Variants in OTUD5 observed in about 807,000 individuals in gnomAD.
OTUD5 encodes the protein OTU deubiquitinase 5, also known as OTU domain-containing protein 5.
A neutral mutation model predicts 36.3 loss-of-function variants in OTUD5; 2 were observed. The observed-to-expected ratio is 0.06, with a 90% confidence interval of 0.02 to 0.17. The LOEUF (loss-of-function observed/expected upper bound fraction) is 0.17. OTUD5 is among the 10% of genes least tolerant of loss of function. OTUD5 has a pLI of 1.00. For missense variants in OTUD5, 233 were observed against 512.3 expected (o/e 0.45, Z 5.26); for synonymous variants, 234 against 214.9 (o/e 1.09, Z -0.78).
chrX:48,925,139 G>A (rs1449103265), intron 6 of OTUD5, among the ~76,000 whole-genome samples: 8 of 109,826 alleles, frequency 7.3e-5, no homozygotes, highest in Admixed American at 6.8e-4. Context: ...TTAGCCAGGC[G>A]TGGTGGTGGG....
chrX:48,932,209 A>G (rs2063766377), intron 5 of OTUD5, among the ~76,000 whole-genome samples: 1 of 108,856 alleles, frequency 9.2e-6, no homozygotes, highest in Admixed American at 9.9e-5. Flanking sequence ...TAATAGCAGA[A>G]CTGTGTTTGG....
At chrX:48,932,961 G>C (rs1302916033) in intron 5 of OTUD5, among the ~76,000 whole-genome samples, 1 of 110,167 alleles carries the variant, frequency 9.1e-6, no homozygotes, top group Non-Finnish European at 1.9e-5. Context: ...ACTCCAGCCT[G>C]GGTGAGAGAG....
chrX:48,924,903 G>C (rs781975939), intron 6 of OTUD5, among the ~76,000 whole-genome samples: 54 of 111,679 alleles, frequency 4.8e-4, no homozygotes, highest in South Asian at 1.8e-3. Flanking sequence ...GGGGATCTTG[G>C]TCTGCTGGGC....
At position 48,941,432 on chromosome X, in the gene OTUD5, CAAAAAAAAAAAAAAAAAAAAA is replaced by C. The variant is rs200040194; in HGVS notation, c.688+2737_688+2757del. Among the ~76,000 whole-genome samples, 19 of 31,940 alleles carry C rather than the reference CAAAAAAAAAAAAAAAAAAAAA, an allele frequency of 5.9e-4. No homozygotes were observed. The South Asian group carries it at 0.015, about 25-fold the overall frequency. 27.7% of individuals were successfully genotyped at this position (31,940 alleles called of 115,157 possible). A position where few individuals can be genotyped will look rare whatever the true frequency, so the allele number is the denominator to read the frequency against. On this transcript the variant is annotated intron_variant, in intron 2 of 8. Transcript: ENST00000376488. ...TGGGCGACAGAGGGAGACTCCATCT[CAAAAAAAAAAAAAAAAAAAAA>C]AAAAAAAAAAAAAAAAAGAATGCGT...
At chrX:48,956,869 A>C in intron 1 of OTUD5, 108 bp downstream of exon 1, 9 of 852,247 alleles carry the variant, frequency 1.1e-5, no homozygotes, top group Non-Finnish European at 1.4e-5. Flanking sequence ...GGCCCAGTGA[A>C]AACGCCTAGA....
intron 1 of OTUD5, among the ~76,000 whole-genome samples, chrX:48,951,486 G>A (rs953800589): frequency 1.8e-5 from 2 of 111,889 alleles, no homozygotes; most frequent in African/African-American, 6.5e-5. Context: ...GAGGTGGCAG[G>A]CACCTGTAGT....
chrX:48,957,944 C>T (rs1332264417), upstream of OTUD5: 3 of 484,505 alleles, frequency 6.2e-6, no homozygotes, highest in Non-Finnish European at 7.6e-6. Flanking sequence ...GGTTCTTGCA[C>T]TACCGGGTGG....
At position 48,957,541 on chromosome X, in the gene OTUD5, C is replaced by G. The variant is rs1287670188; in HGVS notation, c.30G>C (p.Pro10=). The change falls in exon 1 of 9, where the codon CCG becomes CCC. Residue 10 remains proline (P), a synonymous_variant. Coordinates refer to ENST00000376488, the MANE Select transcript of OTUD5 (RefSeq NM_001136157.2). ...CGTTGGCGGGGTCGGCGTCGGGAGG[C>G]GGCGGCTTCTTTTTGGGGAGTATAG... MTILPKKKP[P]PPDADPANEP... 7 of 829,220 alleles carry G rather than the reference C, an allele frequency of 8.4e-6. No individual in the cohort carries two copies. The Admixed American group carries it at 4.6e-4, about 54-fold the overall frequency. 68.3% of individuals were successfully genotyped at this position (829,220 alleles called of 1,213,427 possible).
At chrX:48,939,626 G>A (rs2063885451) in intron 2 of OTUD5, among the ~76,000 whole-genome samples, 1 of 111,865 alleles carries the variant, frequency 8.9e-6, no homozygotes, top group African/African-American at 3.3e-5. Flanking sequence ...TAAACTGAGG[G>A]ACCCCCTACC....
At chrX:48,949,036 CCA>C (rs1420186637) in intron 1 of OTUD5, among the ~76,000 whole-genome samples, 2 of 111,374 alleles carry the variant, frequency 1.8e-5, no homozygotes, top group African/African-American at 6.5e-5. Context: ...CTGCTCTGAG[CCA>C]CAGTTTTCCA....
At position 48,947,384 on chromosome X, in the gene OTUD5, C is replaced by CA. The variant is rs781867130; in HGVS notation, c.595-3102dup. ...TAGGCGACAGAGTGAGACTCTGTCT[C>CA]AAAAAAAAGAAGAAAAGAAAAGAAA... On this transcript the variant is annotated intron_variant, in intron 1 of 8. Transcript: ENST00000376488. 1.7e-4 allele frequency among the ~76,000 whole-genome samples: 18 copies of CA among 106,910 alleles called. 1 individual carries two copies. In the South Asian group the frequency reaches 4.5e-3, roughly 27 times the overall value. The allele number at this position is 106,910 out of a possible 115,157, so 92.8% of individuals were successfully genotyped here.
At chrX:48,957,677 A>T, upstream of OTUD5, 3 of 788,078 alleles carry the variant, frequency 3.8e-6, no homozygotes, top group Non-Finnish European at 4.6e-6. Flanking sequence ...GAACGGCGAG[A>T]CCCGGATAAA....
chrX:48,936,617 T>G (rs142654782), intron 2 of OTUD5, among the ~76,000 whole-genome samples: 1 of 111,416 alleles, frequency 9.0e-6, no homozygotes, highest in African/African-American at 3.3e-5. Context: ...AAGGTGTGCA[T>G]AGACTTCTGC....
chrX:48,923,122 G>A lies in OTUD5; in HGVS notation c.*52C>T, dbSNP rs782462042. 6.6e-5 allele frequency: 79 copies of A among 1,205,999 alleles called. No individual in the cohort carries two copies. The highest frequency in any genetic ancestry group is 2.4e-4 in the Middle Eastern group (1 of 4,086). On this transcript the variant is annotated 3_prime_UTR_variant, in exon 9 of 9. Transcript: ENST00000376488. ...AAGCCAAAGAAGGTGAGGTGGCACC[G>A]GAGAGCAGGAGTACTGGGGTTGGGA...
intron 2 of OTUD5, among the ~76,000 whole-genome samples, chrX:48,941,833 G>C (rs1335371883): frequency 8.9e-6 from 1 of 111,879 alleles, no homozygotes; most frequent in Non-Finnish European, 1.9e-5. Flanking sequence ...CAGGGACAAA[G>C]TCCCCTTCCC....
intron 2 of OTUD5, among the ~76,000 whole-genome samples, chrX:48,936,840 T>G (rs1447325367): frequency 2.7e-5 from 3 of 111,801 alleles, no homozygotes; most frequent in South Asian, 3.7e-4. Flanking sequence ...TTTCCCTTTG[T>G]TTCCCCAGAG....
Sources: allele counts gnomAD v4.1 joint callset (sites outside exome capture counted in the v4.1 genomes callset), GRCh38; gene constraint gnomAD v4.1.1; transcripts MANE v1.5; gene names NCBI Gene and HGNC (gene_info 2026-07-23, HGNC 2026-07-21).